Variants in ABCD2 observed in about 807,000 individuals in gnomAD.
The protein encoded by ABCD2 is ATP binding cassette subfamily D member 2.
In ABCD2, 36 loss-of-function variants were observed where a neutral mutation model predicts 70.9. The ratio of observed to expected loss-of-function variants is 0.51; its 90% CI spans 0.39 to 0.67. The LOEUF is 0.67. ABCD2 is among the 30% of genes least tolerant of loss of function. The probability of loss-of-function intolerance (pLI) is 0.00; values close to 1 mark genes in which losing one functional copy is unlikely to be tolerated. For synonymous variants in ABCD2, 304 were observed against 306.9 expected (o/e 0.99, Z 0.10); for missense variants, 729 against 890.2 (o/e 0.82, Z 2.30).
intron 7 of ABCD2, among the ~76,000 whole-genome samples, chr12:39,580,102 G>C (rs544069499): frequency 6.6e-6 from 1 of 152,100 alleles, no homozygotes; most frequent in Admixed American, 6.5e-5. Flanking sequence ...CATTTTATAA[G>C]TGAGCAACTG....
At chr12:39,612,021 C>T (rs547306594) in intron 2 of ABCD2, among the ~76,000 whole-genome samples, 6 of 152,078 alleles carry the variant, frequency 3.9e-5, no homozygotes, top group African/African-American at 1.2e-4. Context: ...TAGAGAAATG[C>T]AAAGTAAGAC....
intron 9 of ABCD2, among the ~76,000 whole-genome samples, chr12:39,569,382 G>A (rs943831716): frequency 1.8e-4 from 27 of 152,226 alleles, no homozygotes; most frequent in African/African-American, 6.3e-4. Context: ...AGACTGCTGT[G>A]CTAGCAATGA....
intron 9 of ABCD2, among the ~76,000 whole-genome samples, chr12:39,567,458 G>A (rs1174083560): frequency 1.3e-5 from 2 of 152,018 alleles, no homozygotes; most frequent in East Asian, 1.9e-4. Flanking sequence ...TGCAACCCCT[G>A]CATTTTTTGT....
intron 9 of ABCD2, among the ~76,000 whole-genome samples, chr12:39,565,594 C>T (rs1941333046): frequency 6.6e-6 from 1 of 152,192 alleles, no homozygotes; most frequent in Non-Finnish European, 1.5e-5. Context: ...ACTTGACTTC[C>T]TCTTTTCCTA....
intron 8 of ABCD2, 50 bp downstream of exon 8, chr12:39,579,485 G>C: frequency 7.7e-7 from 1 of 1,305,832 alleles, no homozygotes; most frequent in Non-Finnish European, 1.1e-6. Flanking sequence ...ATTGTTGCTT[G>C]GTTTGGTTAC....
At chr12:39,591,744 A>G (rs1268488614) in intron 6 of ABCD2, among the ~76,000 whole-genome samples, 1 of 152,132 alleles carries the variant, frequency 6.6e-6, no homozygotes, top group Non-Finnish European at 1.5e-5. Flanking sequence ...TTATTAGTGG[A>G]AGAATTAAAG....
rs770594701 is a variant in ABCD2, at chr12:39,617,093, A to G, written c.1015T>C (p.Trp339Arg). ...AGGAACTGTTCTATCATGATGTACC[A>G]CAAACGTTTGGATAAAATGAGGTTC... ...QMNLILSKRL[W>R]YIMIEQFLMK... The change falls in exon 2 of 10, where the codon TGG (tryptophan) becomes CGG (arginine). Residue 339 changes from tryptophan (W) to arginine (R), a missense_variant. By Grantham distance (101) the Trp-to-Arg change is moderately radical (BLOSUM62 -3). Around this residue, in one of 3 missense-constraint regions of ABCD2, gnomAD observed 195 missense variants for 300.2 expected, o/e 0.65. Coordinates refer to ENST00000308666, the MANE Select transcript of ABCD2 (RefSeq NM_005164.4). 1 of 1,612,746 alleles carries G rather than the reference A, an allele frequency of 6.2e-7. No homozygotes were observed. The highest frequency in any genetic ancestry group is 1.1e-5 in the South Asian group (1 of 90,842).
At chr12:39,557,850 C>G (rs1279789520) in intron 9 of ABCD2, among the ~76,000 whole-genome samples, 3 of 152,180 alleles carry the variant, frequency 2.0e-5, no homozygotes, top group Admixed American at 1.3e-4. Flanking sequence ...ATGGAAACAC[C>G]TGGATGTCCA....
rs150080954 is a variant in ABCD2 at position 39,602,931 on chromosome 12, G to A, written c.1500+981C>T. Among the ~76,000 whole-genome samples the A allele has an allele frequency of 2.6e-4, 40 of 152,224 alleles. No individual in the cohort carries two copies. In the East Asian group the frequency reaches 7.5e-3, roughly 29 times the overall value. On this transcript the variant is annotated intron_variant, in intron 5 of 9. Transcript: ENST00000308666. ...ATAAATAGTTAAATACTCTGTGTATGCCATGAGTACCTAATTGGTGCTTGT... is the reference window on the plus strand; with the variant it reads ...ATAAATAGTTAAATACTCTGTGTATACCATGAGTACCTAATTGGTGCTTGT...
intron 9 of ABCD2, among the ~76,000 whole-genome samples, chr12:39,554,334 T>C (rs1295489686): frequency 6.6e-6 from 1 of 152,132 alleles, no homozygotes; most frequent in East Asian, 1.9e-4. Context: ...TAGGAAAATA[T>C]TATTATTTTT....
chr12:39,538,220 A>T, the ABCD2 span, among the ~76,000 whole-genome samples: 1 of 139,548 alleles, frequency 7.2e-6, no homozygotes, highest in Non-Finnish European at 1.5e-5. Context: ...CCCAGGCTGG[A>T]GTGCAGTGGA....
rs978968401 is a variant in ABCD2 at position 39,569,831 on chromosome 12, T to G, written c.2003+3885A>C. Among the ~76,000 whole-genome samples, 3 of 152,164 alleles carry G rather than the reference T, an allele frequency of 2.0e-5. No homozygotes were observed. In the East Asian group the frequency reaches 5.8e-4, roughly 29 times the overall value. Reference sequence around the variant, plus strand: ...TAATGTTATGTACCACATTTATATATAGAAAGTACTAAAGACTCCATCAGA... The same window carrying G: ...TAATGTTATGTACCACATTTATATAGAGAAAGTACTAAAGACTCCATCAGA... On this transcript the variant is annotated intron_variant, in intron 9 of 9. Coordinates refer to ENST00000308666, the MANE Select transcript of ABCD2 (RefSeq NM_005164.4).
chr12:39,618,646 A>G (rs370294466), intron 1 of ABCD2, 31 bp downstream of exon 1: 3 of 1,578,348 alleles, frequency 1.9e-6, no homozygotes, highest in Non-Finnish European at 1.7e-6. Flanking sequence ...ACAGTTTCAC[A>G]TTTCACCCAT....
chr12:39,563,028 TG>T (rs1941283599), intron 9 of ABCD2, among the ~76,000 whole-genome samples: 1 of 152,298 alleles, frequency 6.6e-6, no homozygotes, highest in South Asian at 2.1e-4. Context: ...GCAATAAATG[TG>T]GTACATAACA....
chr12:39,554,755 G>A (rs1350761907), intron 9 of ABCD2, among the ~76,000 whole-genome samples: 1 of 152,134 alleles, frequency 6.6e-6, no homozygotes, highest in African/African-American at 2.4e-5. Flanking sequence ...TTTTACTGAT[G>A]AGATAGGAGA....
rs749715188 is a variant in ABCD2, at chr12:39,618,687, C to T, written c.929G>A (p.Arg310Lys). The change falls in exon 1 of 10, where the codon AGA (arginine) becomes AAA (lysine). Residue 310 changes from arginine to lysine, a missense_variant. By Grantham distance (26) the Arg-to-Lys change is conservative. Around this residue, in one of 3 missense-constraint regions of ABCD2, gnomAD observed 195 missense variants for 300.2 expected, o/e 0.65. Coordinates refer to ENST00000308666, the MANE Select transcript of ABCD2 (RefSeq NM_005164.4). ...IANVEEIAFY[R>K]GHKVEMKQLQ... The stretch of plus-strand genomic sequence containing the variant: ...TAATTTCTATCTTACCTTATGTCCT[C>T]TGTAAAAGGCAATTTCTTCTACATT... 7.4e-6 allele frequency: 12 copies of T among 1,613,024 alleles called. No homozygotes were observed. Among genetic ancestry groups the T allele is most frequent in the Non-Finnish European group, 9.3e-6 (11 of 1,179,516 alleles).
Position 39,617,172 on chromosome 12 carries a change from T to C in ABCD2, c.940-4A>G. 6.4e-7 allele frequency: 1 copy of C among 1,556,052 alleles called. No homozygotes were observed. The highest frequency in any genetic ancestry group is 8.6e-7 in the Non-Finnish European group (1 of 1,156,630). On this transcript the variant is annotated splice_region_variant and splice_polypyrimidine_tract_variant and intron_variant, in intron 1 of 9. Transcript: ENST00000308666. ...TCTGAAGTTGTTTCATTTCTACCTA[T>C]AGAGAGGAAAAAGAGTTGAGGACTT...
chr12:39,610,800 T>C (rs1370174261), intron 2 of ABCD2, among the ~76,000 whole-genome samples: 1 of 152,210 alleles, frequency 6.6e-6, no homozygotes, highest in Non-Finnish European at 1.5e-5. Flanking sequence ...TGTGGCTTTT[T>C]ATTCTACTAG....
At chr12:39,602,121 T>A (rs1591993116) in intron 5 of ABCD2, among the ~76,000 whole-genome samples, 1 of 146,760 alleles carries the variant, frequency 6.8e-6, no homozygotes, top group Non-Finnish European at 1.5e-5. Flanking sequence ...TTTAATTTTT[T>A]AAAAATTTTA....
Sources: allele counts gnomAD v4.1 joint callset (sites outside exome capture counted in the v4.1 genomes callset), GRCh38; gene constraint gnomAD v4.1.1; regional missense constraint gnomAD v4.1.1; transcripts MANE v1.5; gene names NCBI Gene and HGNC (gene_info 2026-07-23, HGNC 2026-07-21).